The following NUP98 variants were observed in gnomAD, a reference collection of about 807,000 sequenced individuals.
NUP98 encodes nucleoporin 98 and 96 precursor.
In NUP98, 26 loss-of-function variants were observed where a neutral mutation model predicts 191.9. The ratio of observed to expected loss-of-function variants is 0.14; its 90% CI spans 0.10 to 0.19. NUP98 has a LOEUF of 0.19. Ranked by LOEUF, NUP98 falls within the 10% of genes least tolerant of loss-of-function variation. The pLI, the probability that NUP98 is intolerant of heterozygous loss-of-function variation, is 1.00. For synonymous variants in NUP98, 808 were observed against 778.4 expected, an observed-to-expected ratio of 1.04 and a Z score of -0.63; for missense variants, 1,941 against 2,178.8, an observed-to-expected ratio of 0.89 and a Z score of 2.17.
intron 26 of NUP98, among the ~76,000 whole-genome samples, chr11:3,694,939 T>TA (rs1387873228): frequency 6.6e-6 from 1 of 152,230 alleles, no homozygotes; most frequent in Non-Finnish European, 1.5e-5. Flanking sequence ...ACAGAACTCC[T>TA]ATGTATAATT....
chr11:3,796,715 G>A (rs1249437099), intron 1 of NUP98, among the ~76,000 whole-genome samples: 1 of 152,180 alleles, frequency 6.6e-6, no homozygotes, highest in Non-Finnish European at 1.5e-5. Context: ...ATCTGGCATT[G>A]GCTAATCCTG....
chr11:3,696,197 TAA>T (rs764329811), intron 25 of NUP98, among the ~76,000 whole-genome samples: 23 of 150,026 alleles, frequency 1.5e-4, no homozygotes, highest in Admixed American at 4.0e-4. Flanking sequence ...ATCTTAAACA[TAA>T]AAAGGAAAAA....
intron 10 of NUP98, among the ~76,000 whole-genome samples, chr11:3,756,939 T>A (rs2134470750): frequency 6.6e-6 from 1 of 151,616 alleles, no homozygotes; most frequent in South Asian, 2.1e-4. Context: ...TACAAAAAAA[T>A]TAGCCAGACG....
intron 20 of NUP98, among the ~76,000 whole-genome samples, chr11:3,708,917 A>G (rs1436409390): frequency 1.3e-5 from 2 of 152,184 alleles, no homozygotes; most frequent in Non-Finnish European, 2.9e-5. Flanking sequence ...GGCATGGCCC[A>G]TTACAAATAC....
In NUP98 at chr11:3,703,003, A is replaced by AT. The variant is rs2078756990; in HGVS notation, c.3083-112_3083-111insA. ...CTGAAATCATTCAATGTTTAATCAA[A>AT]CTACTTATATCAGATGTGGATGACC... On this transcript the variant is annotated intron_variant, in intron 22 of 32. Coordinates refer to ENST00000324932, the MANE Select transcript of NUP98 (RefSeq NM_016320.5). 4.1e-5 allele frequency: 37 copies of AT among 895,364 alleles called. No homozygotes were observed. In the South Asian group the frequency reaches 5.9e-4, roughly 14 times the overall value. 55.5% of individuals were successfully genotyped at this position (895,364 alleles called of 1,614,324 possible). A position where few individuals can be genotyped will look rare whatever the true frequency, so the allele number is the denominator to read the frequency against.
chr11:3,772,905 G>T (rs938824937), intron 6 of NUP98, among the ~76,000 whole-genome samples: 2 of 152,022 alleles, frequency 1.3e-5, no homozygotes, highest in Non-Finnish European at 2.9e-5. Context: ...TTGAACCTAG[G>T]AGGTGGAGGT....
chr11:3,781,519 C>CAAA (rs2081970575), intron 2 of NUP98: 3 of 137,336 alleles, frequency 2.2e-5, no homozygotes, highest in Admixed American at 7.5e-5. Context: ...AAAAAAAAAC[C>CAAA]CCTCCACAAA....
At chr11:3,694,231 C>T (rs12277783) in intron 26 of NUP98, among the ~76,000 whole-genome samples, 14,063 of 151,848 alleles carry the variant, frequency 0.093, 838 homozygotes, top group Non-Finnish European at 0.14. Context: ...ATTAGCCAGG[C>T]GTGGTGGCAG....
chr11:3,777,092 G>A (rs1017716270), intron 4 of NUP98, among the ~76,000 whole-genome samples: 2 of 151,896 alleles, frequency 1.3e-5, no homozygotes, highest in African/African-American at 4.8e-5. Context: ...AAAAACTTTA[G>A]AATATACAAG....
rs763249511 is a variant in NUP98 at position 3,762,938 on chromosome 11, A to G, written c.1050T>C (p.Phe350=). The stretch of plus-strand genomic sequence containing the variant: ...CACCAAATCCAGTATTGGTCTGCCC[A>G]AAGAGACCTGTTCCTGTTCCAAATG... ...GTAFGTGTGL[F]GQTNTGFGAV... Residue 350 remains phenylalanine (F), a synonymous_variant, in exon 9 of 33, where the codon TTT becomes TTC. Transcript: ENST00000324932. The G allele has an allele frequency of 6.2e-7, 1 of 1,614,064 alleles. No individual in the cohort carries two copies. Among genetic ancestry groups the G allele is most frequent in the Admixed American group, 1.7e-5 (1 of 59,982 alleles).
chr11:3,793,355 T>A (rs1440828380), intron 1 of NUP98, among the ~76,000 whole-genome samples: 6 of 151,960 alleles, frequency 3.9e-5, no homozygotes, highest in Admixed American at 3.9e-4. Context: ...AGTGGTGCAA[T>A]CTGCGCTCAC....
intron 24 of NUP98, 22 bp downstream of exon 24, chr11:3,700,588 T>C (rs775025795): frequency 1.3e-6 from 2 of 1,524,270 alleles, no homozygotes; most frequent in Non-Finnish European, 1.8e-6. Context: ...CATCAAACAT[T>C]AGAAACATAG....
At chr11:3,746,531 C>T (rs1209137033) in intron 11 of NUP98, among the ~76,000 whole-genome samples, 1 of 151,828 alleles carries the variant, frequency 6.6e-6, no homozygotes, top group Non-Finnish European at 1.5e-5. Context: ...GTGTATTGCC[C>T]TCACCTTTAC....
At chr11:3,725,322 C>G (rs2079576426) in intron 14 of NUP98, 103 bp from the exon 15 acceptor site, 1 of 636,082 alleles carries the variant, frequency 1.6e-6, no homozygotes, top group Non-Finnish European at 2.8e-6. Flanking sequence ...CACTTCTGCT[C>G]AACTCTTGTA....
In NUP98 at chr11:3,676,316, T is replaced by C. The variant is rs370427081; in HGVS notation, c.5246A>G (p.Asp1749Gly). The change falls in exon 33 of 33, where the codon GAT becomes GGT. Residue 1749 changes from aspartate to glycine, a missense_variant. This residue lies in a region of NUP98 where 1,030 missense variants were observed against 1,115.8 expected (regional missense o/e 0.92). Coordinates refer to ENST00000324932, the MANE Select transcript of NUP98 (RefSeq NM_016320.5). ...GTCTGGTGTTGAGTCGGAGGTTCTA[T>C]CAGGAGGATGATGCAGACTCAGCAC... The part of the protein sequence containing the change: ...RVVLSLHHPP[D>G]RTSDSTPDPQ... 4.8e-5 allele frequency: 78 copies of C among 1,613,864 alleles called. No homozygotes were observed. The highest frequency in any genetic ancestry group is 6.4e-5 in the Non-Finnish European group (75 of 1,179,970).
intron 12 of NUP98, 41 bp from the exon 13 acceptor site, chr11:3,735,365 T>TAC (rs2080009480): frequency 8.9e-7 from 1 of 1,118,518 alleles, no homozygotes. Context: ...TATATATATA[T>TAC]ATAAATGCAA....
intron 4 of NUP98, among the ~76,000 whole-genome samples, chr11:3,777,825 T>C (rs907039910): frequency 6.6e-6 from 1 of 152,062 alleles, no homozygotes; most frequent in East Asian, 1.9e-4. Flanking sequence ...ACATTTCTTT[T>C]GAATTAGTAC....
At chr11:3,737,998 C>T (rs1589843503) in intron 12 of NUP98, among the ~76,000 whole-genome samples, 1 of 148,380 alleles carries the variant, frequency 6.7e-6, no homozygotes, top group Non-Finnish European at 1.5e-5. Flanking sequence ...CATTTTGTTA[C>T]TGGACAGGCA....
At chr11:3,678,198 A>T (rs1168689349) in intron 31 of NUP98, among the ~76,000 whole-genome samples, 2 of 151,864 alleles carry the variant, frequency 1.3e-5, no homozygotes, top group Non-Finnish European at 2.9e-5. Context: ...CTTCATGTAG[A>T]TTTTGTTTAA....
Sources: gnomAD v4.1 joint callset for allele counts (sites outside exome capture counted in the v4.1 genomes callset) on GRCh38, gnomAD v4.1.1 for gene constraint, gnomAD v4.1.1 regional missense constraint, MANE v1.5 for transcripts, NCBI Gene and HGNC (gene_info 2026-07-23, HGNC 2026-07-21) for gene names.